PPP6R2: variants seen among roughly 807,000 people sequenced by gnomAD.
PPP6R2 encodes protein phosphatase 6 regulatory subunit 2, also known as serine/threonine-protein phosphatase 6 regulatory subunit 2.
In PPP6R2, 62 loss-of-function variants were observed where a neutral mutation model predicts 100.2. The observed-to-expected ratio is 0.62, with a 90% CI of 0.50 to 0.76. The LOEUF (loss-of-function observed/expected upper bound fraction) is 0.76, where lower values mean the gene tolerates loss of function less well. Ranked by LOEUF, PPP6R2 falls within the 30% of genes least tolerant of loss-of-function variation. The pLI is 0.00. For missense variants in PPP6R2, 1,142 were observed against 1,276.3 expected, an observed-to-expected ratio of 0.89 and a Z score of 1.60; for synonymous variants, 525 against 514.7, an observed-to-expected ratio of 1.02 and a Z score of -0.27.
chr22:50,434,256 C>T (rs1194553236), intron 12 of PPP6R2, among the ~76,000 whole-genome samples: 2 of 57,452 alleles, frequency 3.5e-5, no homozygotes, highest in Admixed American at 4.1e-4. Context: ...GGGCACTTGC[C>T]CTGGAGGTGA....
At position 50,423,251 on chromosome 22, in the gene PPP6R2, C is replaced by T. The variant is rs373738587; in HGVS notation, c.973-211C>T. 1.9e-4 allele frequency among the ~76,000 whole-genome samples: 29 copies of T among 152,304 alleles called. 1 individual carries two copies. The highest frequency in any genetic ancestry group is 6.7e-4 in the African/African-American group (28 of 41,556). ...AGTGCCCGTGAGCATCCTGGGAGCA[C>T]TCTCTGAAGCCCTGAGGGGAGCAGC... On this transcript the variant is annotated intron_variant, in intron 9 of 23. Transcript: ENST00000612753. This position sits in a 1 kb window ranked among gnomAD's most constrained non-coding sequence, Gnocchi z 4.8.
intron 10 of PPP6R2, among the ~76,000 whole-genome samples, chr22:50,430,153 G>A (rs1453245738): frequency 1.3e-5 from 2 of 152,240 alleles, no homozygotes; most frequent in Non-Finnish European, 2.9e-5. Context: ...TCCTCATCTG[G>A]AAGAAGCTAC....
At chr22:50,438,121 C>T in intron 17 of PPP6R2, 53 bp from the exon 18 acceptor site, 2 of 1,573,920 alleles carry the variant, frequency 1.3e-6, no homozygotes, top group East Asian at 2.2e-5. Flanking sequence ...GGGAGAGCGG[C>T]TCCTGTCTCC....
chr22:50,381,344 T>TGAGG (rs2052941440), intron 2 of PPP6R2, among the ~76,000 whole-genome samples: 2 of 35,294 alleles, frequency 5.7e-5, no homozygotes, highest in Non-Finnish European at 5.2e-5. Flanking sequence ...CACCTCAGCA[T>TGAGG]CACACGGGCC....
intron 21 of PPP6R2, 140 bp downstream of exon 21, chr22:50,440,189 A>T (rs1417780475): frequency 5.0e-6 from 4 of 800,662 alleles, no homozygotes; most frequent in East Asian, 5.4e-5. Flanking sequence ...TTGGGGTTTG[A>T]TACAGCAATG....
intron 2 of PPP6R2, among the ~76,000 whole-genome samples, chr22:50,392,517 C>A (rs1407606474): frequency 6.6e-6 from 1 of 152,200 alleles, no homozygotes; most frequent in South Asian, 2.1e-4. Context: ...GTGTATAGAT[C>A]GGAGGCTGCA....
Position 50,404,346 on chromosome 22 carries a change from C to T in PPP6R2, c.228-2343C>T, listed in dbSNP as rs531027874. ...CTGACCTCAGGTGATCCACCTGCCT[C>T]GGCCTCTCAAAGTGCTGGGATTACA... On this transcript the variant is annotated intron_variant, in intron 3 of 23. Transcript: ENST00000612753. Among the ~76,000 whole-genome samples the T allele has an allele frequency of 1.8e-3, 277 of 152,026 alleles. 1 individual carries two copies. Among genetic ancestry groups the T allele is most frequent in the African/African-American group, 6.4e-3 (267 of 41,478 alleles).
chr22:50,381,106 CTT>C (rs1202385056), intron 2 of PPP6R2, among the ~76,000 whole-genome samples: 1 of 135,870 alleles, frequency 7.4e-6, no homozygotes. Context: ...AGGAATGAAA[CTT>C]TGTCTCAAAA....
chr22:50,388,283 A>G (rs565691333), intron 2 of PPP6R2, among the ~76,000 whole-genome samples: 2 of 151,794 alleles, frequency 1.3e-5, no homozygotes, highest in Non-Finnish European at 2.9e-5. Flanking sequence ...AGTCCCAGCT[A>G]CTTGGGAGGC....
intron 4 of PPP6R2, among the ~76,000 whole-genome samples, chr22:50,414,334 C>G (rs1342183871): frequency 1.5e-4 from 1 of 6,840 alleles, no homozygotes; most frequent in African/African-American, 4.3e-4. Context: ...TGCAGTGGCC[C>G]CCCCCCCCCC....
At chr22:50,419,920 C>A (rs920484287) in intron 8 of PPP6R2, among the ~76,000 whole-genome samples, 12 of 152,238 alleles carry the variant, frequency 7.9e-5, no homozygotes, top group Admixed American at 1.3e-4. Flanking sequence ...CCCTGTGCAC[C>A]CACGGGTCGG....
At chr22:50,383,079 C>T (rs1280689200) in intron 2 of PPP6R2, among the ~76,000 whole-genome samples, 1 of 152,150 alleles carries the variant, frequency 6.6e-6, no homozygotes, top group East Asian at 1.9e-4. Context: ...CTCATGTGAT[C>T]TGTCTGCCTT....
chr22:50,403,050 C>CA (rs2058298626), intron 3 of PPP6R2, among the ~76,000 whole-genome samples: 1 of 152,034 alleles, frequency 6.6e-6, no homozygotes, highest in Non-Finnish European at 1.5e-5. Flanking sequence ...CCGTCTCTAC[C>CA]AAAAATACAA....
chr22:50,419,296 C>G (rs1355047352), intron 7 of PPP6R2, 53 bp from the exon 8 acceptor site: 1 of 1,495,402 alleles, frequency 6.7e-7, no homozygotes, highest in African/African-American at 1.4e-5. Context: ...TCCTTGCATC[C>G]TTTGTGTGTG....
At chr22:50,408,308 T>C (rs1569437662) in intron 4 of PPP6R2, among the ~76,000 whole-genome samples, 1 of 152,216 alleles carries the variant, frequency 6.6e-6, no homozygotes, top group Non-Finnish European at 1.5e-5. Context: ...CACAAACCAG[T>C]ATCTTACATC....
intron 9 of PPP6R2, 72 bp downstream of exon 9, chr22:50,422,452 G>A (rs2061463042): frequency 1.3e-6 from 2 of 1,573,952 alleles, no homozygotes; most frequent in Admixed American, 3.5e-5. Context: ...GGGAGGAGAA[G>A]CCACAGCTTG....
At chr22:50,418,808 G>T in intron 6 of PPP6R2, 59 bp from the exon 7 acceptor site, 2 of 1,350,474 alleles carry the variant, frequency 1.5e-6, no homozygotes, top group Non-Finnish European at 2.1e-6. Context: ...GCCCAGCAGG[G>T]CTGGTCCTGC....
intron 1 of PPP6R2, among the ~76,000 whole-genome samples, chr22:50,350,355 T>G (rs1342850014): frequency 6.6e-6 from 1 of 150,876 alleles, no homozygotes; most frequent in East Asian, 2.1e-4. Flanking sequence ...CTCAGCCTCC[T>G]GAGTAGCGGG....
At chr22:50,420,064 C>T (rs190171086) in intron 8 of PPP6R2, among the ~76,000 whole-genome samples, 36 of 152,354 alleles carry the variant, frequency 2.4e-4, no homozygotes, top group African/African-American at 8.2e-4. Flanking sequence ...AGAACTGAGA[C>T]ACAGCCCCTC....
Sources: allele counts gnomAD v4.1 joint callset (sites outside exome capture counted in the v4.1 genomes callset), GRCh38; gene constraint gnomAD v4.1.1; non-coding constraint Gnocchi (gnomAD v3.1); transcripts MANE v1.5; gene names NCBI Gene and HGNC (gene_info 2026-07-23, HGNC 2026-07-21).